The following SOX5 variants were observed in gnomAD, a reference collection of about 807,000 sequenced individuals.
The protein encoded by SOX5 is SRY-box transcription factor 5, also known as transcription factor SOX-5.
Under a neutral mutation model 92.0 loss-of-function variants are expected in SOX5, and 9 were observed. That is an observed-to-expected ratio of 0.10 (90% confidence interval 0.06 to 0.17). The LOEUF (loss-of-function observed/expected upper bound fraction) is 0.17. Ranked by LOEUF, SOX5 falls within the 10% of genes least tolerant of loss-of-function variation. The probability of loss-of-function intolerance (pLI) is 1.00; values close to 1 mark genes in which losing one functional copy is unlikely to be tolerated. For synonymous variants in SOX5, 344 were observed against 336.3 expected, an observed-to-expected ratio of 1.02 and a Z score of -0.25; for missense variants, 642 against 944.5, an observed-to-expected ratio of 0.68 and a Z score of 4.20.
intron 4 of SOX5, among the ~76,000 whole-genome samples, chr12:24,012,618 A>G (rs1224185943): frequency 6.6e-6 from 1 of 152,164 alleles, no homozygotes. Flanking sequence ...CTTGTCACCT[A>G]TGGCTTAATA....
chr12:24,372,768 T>A (rs1232986541), intron 1 of SOX5, among the ~76,000 whole-genome samples: 1 of 152,166 alleles, frequency 6.6e-6, no homozygotes. Flanking sequence ...CATTCCTATT[T>A]CTCCACATCC....
chr12:23,604,913 C>T (rs2075045641), intron 8 of SOX5, among the ~76,000 whole-genome samples: 1 of 152,162 alleles, frequency 6.6e-6, no homozygotes, highest in Non-Finnish European at 1.5e-5. Context: ...TAATTTTCTA[C>T]TATCCATATT....
chr12:23,665,132 T>C (rs530656690), intron 7 of SOX5, among the ~76,000 whole-genome samples: 2 of 152,010 alleles, frequency 1.3e-5, no homozygotes, highest in Non-Finnish European at 2.9e-5. Flanking sequence ...GTTAAAAAGG[T>C]GGTAAAAAGC....
Position 23,533,026 on chromosome 12 carries a change from C to A in SOX5, c.*1193G>T. On this transcript the variant is annotated 3_prime_UTR_variant, in exon 15 of 15. Transcript: ENST00000451604. The stretch of plus-strand genomic sequence containing the variant: ...TAGCTTCCATGTTATACATGCACAC[C>A]TCTATTACACAGGGCCACCTGATCC... 1 of 297,044 alleles carries A rather than the reference C, an allele frequency of 3.4e-6. No individual in the cohort carries two copies. 18.4% of individuals were successfully genotyped at this position (297,044 alleles called of 1,614,324 possible). A position where few individuals can be genotyped will look rare whatever the true frequency, so the allele number is the denominator to read the frequency against.
At chr12:24,561,432 G>A (rs953417753) in intron 1 of SOX5, among the ~76,000 whole-genome samples, 2 of 152,004 alleles carry the variant, frequency 1.3e-5, no homozygotes, top group East Asian at 1.9e-4. Flanking sequence ...ACAGTGCTTC[G>A]TGTGCATCCG....
intron 3 of SOX5, among the ~76,000 whole-genome samples, chr12:24,233,474 T>A (rs987396203): frequency 2.0e-5 from 3 of 152,160 alleles, no homozygotes; most frequent in African/African-American, 7.2e-5. Context: ...AATTACAGAA[T>A]TGAGGATCAA....
intron 9 of SOX5, among the ~76,000 whole-genome samples, chr12:23,579,475 T>C (rs1949742275): frequency 6.6e-6 from 1 of 152,122 alleles, no homozygotes; most frequent in Non-Finnish European, 1.5e-5. Context: ...CTTTTAATAA[T>C]TTACTACTGA....
At chr12:24,100,885 C>G (rs1208949870) in intron 4 of SOX5, among the ~76,000 whole-genome samples, 1 of 152,064 alleles carries the variant, frequency 6.6e-6, no homozygotes, top group Non-Finnish European at 1.5e-5. Context: ...CTCTTACATC[C>G]CATCTGCTTC....
intron 1 of SOX5, among the ~76,000 whole-genome samples, chr12:24,471,823 A>G (rs1362838473): frequency 1.3e-5 from 2 of 152,120 alleles, no homozygotes; most frequent in Admixed American, 6.5e-5. Context: ...CAATAAGTTT[A>G]TGCACTTTTA....
chr12:23,736,773 C>A (rs2093613984), intron 5 of SOX5, among the ~76,000 whole-genome samples: 1 of 151,244 alleles, frequency 6.6e-6, no homozygotes, highest in Non-Finnish European at 1.5e-5. Flanking sequence ...TTACTGCAAC[C>A]ACCGCCTCCT....
At chr12:24,417,799 G>A (rs1421097992) in intron 1 of SOX5, among the ~76,000 whole-genome samples, 1 of 152,136 alleles carries the variant, frequency 6.6e-6, no homozygotes, top group African/African-American at 2.4e-5. Context: ...TGGTGCTAGA[G>A]CCAGGACACT....
intron 2 of SOX5, among the ~76,000 whole-genome samples, chr12:23,870,377 G>T (rs924726736): frequency 6.6e-6 from 1 of 152,012 alleles, no homozygotes; most frequent in Non-Finnish European, 1.5e-5. Flanking sequence ...TAAGAGTGAA[G>T]ATTATACCTA....
At chr12:23,700,255 A>G (rs868192742) in intron 6 of SOX5, among the ~76,000 whole-genome samples, 26 of 152,100 alleles carry the variant, frequency 1.7e-4, no homozygotes, top group African/African-American at 5.8e-4. Flanking sequence ...GTCTCAGGTT[A>G]AGCTCCACCA....
chr12:24,031,755 A>T (rs930073134), intron 4 of SOX5, among the ~76,000 whole-genome samples: 4 of 151,842 alleles, frequency 2.6e-5, no homozygotes, highest in African/African-American at 9.7e-5. Flanking sequence ...CATGAAAAAA[A>T]AAATAAAAGA....
intron 4 of SOX5, among the ~76,000 whole-genome samples, chr12:24,192,297 TA>T (rs1328721131): frequency 1.3e-5 from 2 of 152,212 alleles, no homozygotes; most frequent in Non-Finnish European, 2.9e-5. Flanking sequence ...TGCTTAGAAC[TA>T]AATTATTTTG....
Position 24,180,012 on chromosome 12 carries a change from A to G in SOX5, c.-2+33331T>C, listed in dbSNP as rs528031705. 4.6e-5 allele frequency among the ~76,000 whole-genome samples: 7 copies of G among 151,766 alleles called. No homozygotes were observed. In the East Asian group the frequency reaches 1.2e-3, roughly 25 times the overall value. ...GCCCAGGTTATGCAGTGGTAGTATC[A>G]TCGCTCACTGCATCCTCGACCTCCC... On this transcript the variant is annotated intron_variant, in intron 4 of 4. Transcript: ENST00000446891.
At chr12:23,809,909 T>C (rs1453640743) in intron 3 of SOX5, among the ~76,000 whole-genome samples, 1 of 152,054 alleles carries the variant, frequency 6.6e-6, no homozygotes, top group Non-Finnish European at 1.5e-5. Context: ...TGAAATTATA[T>C]AGTAAATGCC....
At chr12:23,619,860 CTTA>C (rs1417363643) in intron 8 of SOX5, among the ~76,000 whole-genome samples, 7 of 152,054 alleles carry the variant, frequency 4.6e-5, no homozygotes, top group African/African-American at 1.4e-4. Context: ...TGTTATACTT[CTTA>C]TTATCTTTTA....
chr12:23,622,471 A>G (rs1005419272), intron 8 of SOX5, among the ~76,000 whole-genome samples: 1 of 152,082 alleles, frequency 6.6e-6, no homozygotes, highest in Admixed American at 6.6e-5. Context: ...TGGTTGGTTG[A>G]TATCAGTATG....
Sources: gnomAD v4.1 joint callset for allele counts (sites outside exome capture counted in the v4.1 genomes callset) on GRCh38, gnomAD v4.1.1 for gene constraint, MANE v1.5 for transcripts, NCBI Gene and HGNC (gene_info 2026-07-23, HGNC 2026-07-21) for gene names.